RAD51B: variants seen among roughly 807,000 people sequenced by gnomAD.
RAD51B encodes the protein DNA repair protein RAD51 homolog 2.
Under a neutral mutation model 42.2 loss-of-function variants are expected in RAD51B, and 38 were observed. The ratio of observed to expected loss-of-function variants is 0.90; its 90% confidence interval spans 0.70 to 1.18. The LOEUF is 1.18. RAD51B is among the 50% of genes most tolerant of loss of function. RAD51B has a pLI of 0.00. For synonymous variants in RAD51B, 154 were observed against 145.2 expected, an observed-to-expected ratio of 1.06 and a Z score of -0.43; for missense variants, 373 against 400.7, an observed-to-expected ratio of 0.93 and a Z score of 0.59.
chr14:68,569,167 C>T (rs1169080318), intron 10 of RAD51B, among the ~76,000 whole-genome samples: 4 of 152,202 alleles, frequency 2.6e-5, no homozygotes, highest in Admixed American at 1.3e-4. Context: ...TTGTTTCACC[C>T]GGGAAAGTCC....
chr14:68,058,596 A>G (rs2076517908), intron 7 of RAD51B, among the ~76,000 whole-genome samples: 1 of 151,868 alleles, frequency 6.6e-6, no homozygotes, highest in Non-Finnish European at 1.5e-5. Flanking sequence ...TATAAATCTG[A>G]CTCATTTTTT....
intron 7 of RAD51B, among the ~76,000 whole-genome samples, chr14:68,141,727 A>T (rs377444682): frequency 6.6e-6 from 1 of 152,272 alleles, no homozygotes; most frequent in South Asian, 2.1e-4. Flanking sequence ...TTTTCCTTCG[A>T]AAGTTTTATG....
intron 8 of RAD51B, among the ~76,000 whole-genome samples, chr14:68,348,756 A>G (rs993433167): frequency 6.6e-6 from 1 of 152,158 alleles, no homozygotes; most frequent in Non-Finnish European, 1.5e-5. Flanking sequence ...AAAATTAACC[A>G]GGCATGGTGG....
chr14:68,558,432 G>C (rs1464827443), intron 10 of RAD51B, among the ~76,000 whole-genome samples: 1 of 152,224 alleles, frequency 6.6e-6, no homozygotes, highest in Non-Finnish European at 1.5e-5. Flanking sequence ...GAAATTGATT[G>C]CATCGTTGTT....
intron 10 of RAD51B, among the ~76,000 whole-genome samples, chr14:68,543,027 A>C (rs949558637): frequency 6.6e-6 from 1 of 152,208 alleles, no homozygotes; most frequent in Non-Finnish European, 1.5e-5. Context: ...TCTTCGTAAG[A>C]TGTCTGATTC....
intron 7 of RAD51B, among the ~76,000 whole-genome samples, chr14:68,078,645 T>C (rs1380014489): frequency 6.6e-6 from 1 of 152,180 alleles, no homozygotes; most frequent in Non-Finnish European, 1.5e-5. Flanking sequence ...AGATATTTGA[T>C]TTCTATTAAT....
intron 10 of RAD51B, among the ~76,000 whole-genome samples, chr14:68,490,124 A>T (rs992938088): frequency 6.6e-5 from 10 of 152,258 alleles, no homozygotes; most frequent in African/African-American, 2.4e-4. Context: ...TGGAGAAGGG[A>T]CTTCTGTGCA....
chr14:68,260,318 T>TGTGGGGGGGGGGGGGGGGG (rs1049368684), intron 7 of RAD51B, among the ~76,000 whole-genome samples: 1 of 128,044 alleles, frequency 7.8e-6, no homozygotes, highest in African/African-American at 4.9e-5. Context: ...TGTGTGTGTG[T>TGTGGGGGGGGGGGGGGGGG]GGAGAGGGGA....
At chr14:68,183,909 T>C (rs747278468) in intron 7 of RAD51B, among the ~76,000 whole-genome samples, 2 of 151,864 alleles carry the variant, frequency 1.3e-5, no homozygotes, top group Non-Finnish European at 2.9e-5. Context: ...CTGGCTAACA[T>C]GGTGAAACCC....
intron 10 of RAD51B, among the ~76,000 whole-genome samples, chr14:68,590,943 C>G (rs1349234656): frequency 6.6e-6 from 1 of 152,202 alleles, no homozygotes; most frequent in Non-Finnish European, 1.5e-5. Flanking sequence ...CACTAGGCGA[C>G]TGCTCCTACC....
At chr14:68,319,455 G>A (rs1419625523) in intron 8 of RAD51B, among the ~76,000 whole-genome samples, 3 of 152,108 alleles carry the variant, frequency 2.0e-5, no homozygotes, top group Admixed American at 6.5e-5. Flanking sequence ...TATGATTATT[G>A]AAAATCACTG....
At chr14:67,921,567 T>TCTCACACA (rs1333717744) in intron 7 of RAD51B, among the ~76,000 whole-genome samples, 1 of 125,876 alleles carries the variant, frequency 7.9e-6, no homozygotes, top group African/African-American at 3.0e-5. Flanking sequence ...TATGTGCACA[T>TCTCACACA]CACACACACA....
At chr14:68,171,355 A>G (rs1026806386) in intron 7 of RAD51B, among the ~76,000 whole-genome samples, 1 of 152,040 alleles carries the variant, frequency 6.6e-6, no homozygotes, top group Non-Finnish European at 1.5e-5. Context: ...CTGGAGTGCA[A>G]TGGCAGCAAT....
At chr14:67,864,707 C>T (rs1316866162) in intron 4 of RAD51B, 13 of 492,272 alleles carry the variant, frequency 2.6e-5, no homozygotes, top group Non-Finnish European at 5.1e-5. Context: ...AATGTTTCAG[C>T]CTTTCTCAAC....
chr14:68,266,954 A>C (rs982981912), intron 7 of RAD51B, among the ~76,000 whole-genome samples: 1 of 152,176 alleles, frequency 6.6e-6, no homozygotes, highest in Non-Finnish European at 1.5e-5. Context: ...ATTACGCAAA[A>C]AGTTACAGAG....
intron 10 of RAD51B, among the ~76,000 whole-genome samples, chr14:68,567,794 G>T (rs1015514116): frequency 2.0e-5 from 3 of 152,162 alleles, no homozygotes; most frequent in Non-Finnish European, 4.4e-5. Flanking sequence ...AACACCCTTG[G>T]CTGTGCCATT....
intron 8 of RAD51B, among the ~76,000 whole-genome samples, chr14:68,403,537 C>T (rs556658417): frequency 6.6e-6 from 1 of 152,134 alleles, no homozygotes; most frequent in Non-Finnish European, 1.5e-5. Flanking sequence ...AAGCCCATCA[C>T]CTTTTTGGAA....
intron 8 of RAD51B, among the ~76,000 whole-genome samples, chr14:68,406,579 A>G (rs2084281094): frequency 6.6e-6 from 1 of 152,204 alleles, no homozygotes; most frequent in Non-Finnish European, 1.5e-5. Context: ...ATGAATGAAC[A>G]TGAAGGCCTA....
At chr14:68,290,925 G>A (rs1214486337) in intron 7 of RAD51B, among the ~76,000 whole-genome samples, 3 of 152,070 alleles carry the variant, frequency 2.0e-5, no homozygotes, top group Non-Finnish European at 4.4e-5. Context: ...TCCTGTCTCA[G>A]CCTCCTGAGT....
Sources: gnomAD v4.1 joint callset for allele counts (sites outside exome capture counted in the v4.1 genomes callset) on GRCh38, gnomAD v4.1.1 for gene constraint, MANE v1.5 for transcripts, NCBI Gene and HGNC (gene_info 2026-07-23, HGNC 2026-07-21) for gene names.